The following PTPRD variants were observed in gnomAD, a reference collection of about 807,000 sequenced individuals.
PTPRD encodes protein tyrosine phosphatase receptor type D.
A neutral mutation model predicts 214.5 loss-of-function variants in PTPRD; 34 were observed. The observed-to-expected ratio is 0.16, with a 90% CI of 0.12 to 0.21. PTPRD has a LOEUF of 0.21. Among genes scored for constraint, PTPRD ranks in the 10% least tolerant of loss-of-function variants. The pLI, the probability that PTPRD is intolerant of heterozygous loss-of-function variation, is 1.00. For synonymous variants in PTPRD, 1,128 were observed against 845.7 expected (o/e 1.33, Z -5.79); for missense variants, 2,545 against 2,398.7 (o/e 1.06, Z -1.27).
intron 39 of PTPRD, among the ~76,000 whole-genome samples, chr9:8,342,957 C>T (rs530804571): frequency 3.3e-5 from 5 of 152,036 alleles, no homozygotes; most frequent in South Asian, 2.1e-4. Context: ...GAACAAAGGA[C>T]GGATGGCTTT....
intron 3 of PTPRD, among the ~76,000 whole-genome samples, chr9:10,224,521 T>C (rs1032290532): frequency 6.6e-6 from 1 of 152,082 alleles, no homozygotes. Flanking sequence ...GTATGATTTT[T>C]CTCTACTTAA....
chr9:9,579,867 T>A (rs945514662), intron 7 of PTPRD, among the ~76,000 whole-genome samples: 1 of 152,132 alleles, frequency 6.6e-6, no homozygotes, highest in African/African-American at 2.4e-5. Flanking sequence ...TCCCTTACCC[T>A]CTGAGTTTCC....
chr9:9,284,542 C>T (rs1269424825), intron 9 of PTPRD, among the ~76,000 whole-genome samples: 1 of 151,736 alleles, frequency 6.6e-6, no homozygotes, highest in Non-Finnish European at 1.5e-5. Flanking sequence ...CAGGTCCATT[C>T]CATGAACATC....
chr9:9,697,798 G>A (rs1287549914), intron 7 of PTPRD, among the ~76,000 whole-genome samples: 1 of 151,998 alleles, frequency 6.6e-6, no homozygotes, highest in Non-Finnish European at 1.5e-5. Context: ...ATAATTCTTA[G>A]ATTTCCTCTT....
At chr9:10,185,547 G>A (rs2099326466) in intron 3 of PTPRD, among the ~76,000 whole-genome samples, 1 of 152,096 alleles carries the variant, frequency 6.6e-6, no homozygotes, top group Admixed American at 6.6e-5. Context: ...GCTGTTATCT[G>A]CGTTTTACAA....
intron 39 of PTPRD, among the ~76,000 whole-genome samples, chr9:8,361,751 A>G (rs1358753338): frequency 1.3e-5 from 2 of 152,362 alleles, no homozygotes; most frequent in Non-Finnish European, 2.9e-5. Flanking sequence ...GGGGTTCATT[A>G]TACATTCTCT....
At chr9:8,471,524 G>C (rs1040788232) in intron 30 of PTPRD, among the ~76,000 whole-genome samples, 1 of 152,108 alleles carries the variant, frequency 6.6e-6, no homozygotes, top group Non-Finnish European at 1.5e-5. Context: ...ATACCTAGTA[G>C]TGCTGTTGTT....
chr9:8,449,613 A>G, intron 34 of PTPRD, 112 bp downstream of exon 34: 1 of 957,610 alleles, frequency 1.0e-6, no homozygotes, highest in Non-Finnish European at 1.5e-6. Flanking sequence ...ATAAAAGAGC[A>G]GGATGAACAA....
At chr9:9,786,869 G>T (rs1458942985) in intron 5 of PTPRD, among the ~76,000 whole-genome samples, 2 of 151,794 alleles carry the variant, frequency 1.3e-5, no homozygotes, top group Non-Finnish European at 2.9e-5. Flanking sequence ...AATTGGCTGG[G>T]CACAGTGGCT....
chr9:10,231,423 C>G (rs992898081), intron 3 of PTPRD, among the ~76,000 whole-genome samples: 1 of 151,808 alleles, frequency 6.6e-6, no homozygotes, highest in Non-Finnish European at 1.5e-5. Context: ...ACCAGTCAAG[C>G]TAAGTATAAA....
intron 23 of PTPRD, 129 bp downstream of exon 23, chr9:8,504,132 G>A (rs779188598): frequency 1.0e-5 from 9 of 872,528 alleles, no homozygotes; most frequent in Non-Finnish European, 1.6e-5. Context: ...CCTGTGAAGT[G>A]TGATGCATAC....
chr9:9,416,625 G>A (rs181040302), intron 8 of PTPRD, among the ~76,000 whole-genome samples: 25 of 152,136 alleles, frequency 1.6e-4, no homozygotes, highest in African/African-American at 6.0e-4. Flanking sequence ...ATATGCTCAA[G>A]GACGTGCTCT....
chr9:9,883,876 G>T (rs996078676), intron 5 of PTPRD, among the ~76,000 whole-genome samples: 1 of 152,084 alleles, frequency 6.6e-6, no homozygotes, highest in Admixed American at 6.6e-5. Flanking sequence ...TCATGCAGCA[G>T]AAATAATGTT....
chr9:9,037,562 C>A (rs1052825772), intron 10 of PTPRD, among the ~76,000 whole-genome samples: 1 of 152,116 alleles, frequency 6.6e-6, no homozygotes, highest in African/African-American at 2.4e-5. Context: ...CTCTCTCAAC[C>A]GCTAATTGAA....
intron 12 of PTPRD, among the ~76,000 whole-genome samples, chr9:8,641,552 G>A (rs1051897703): frequency 2.7e-5 from 4 of 148,552 alleles, no homozygotes; most frequent in Non-Finnish European, 4.4e-5. Flanking sequence ...GGTCAACCCA[G>A]AAAGTCTATT....
intron 4 of PTPRD, among the ~76,000 whole-genome samples, chr9:10,003,429 G>C (rs975268136): frequency 1.3e-5 from 2 of 151,736 alleles, no homozygotes; most frequent in East Asian, 3.9e-4. Context: ...TAAGAAAAAT[G>C]GGTTGGAGAT....
At chr9:10,327,298 A>G (rs1253660807) in intron 3 of PTPRD, among the ~76,000 whole-genome samples, 2 of 151,134 alleles carry the variant, frequency 1.3e-5, no homozygotes, top group Non-Finnish European at 3.0e-5. Flanking sequence ...TAAAATACTT[A>G]CTCTCATGGC....
intron 23 of PTPRD, 91 bp from the exon 24 acceptor site, chr9:8,501,150 T>C (rs2097396750): frequency 2.1e-6 from 2 of 933,122 alleles, no homozygotes; most frequent in East Asian, 2.6e-5. Flanking sequence ...AAGGCAAAAA[T>C]AAATAAACGA....
At chr9:10,370,653 T>G (rs2097593236) in intron 2 of PTPRD, among the ~76,000 whole-genome samples, 1 of 152,108 alleles carries the variant, frequency 6.6e-6, no homozygotes, top group Non-Finnish European at 1.5e-5. Flanking sequence ...TCTAAATATA[T>G]TTAGAAATCT....
Sources: allele counts gnomAD v4.1 joint callset (sites outside exome capture counted in the v4.1 genomes callset), GRCh38; gene constraint gnomAD v4.1.1; transcripts MANE v1.5; gene names NCBI Gene and HGNC (gene_info 2026-07-23, HGNC 2026-07-21).